Variants in AUTS2 observed in about 807,000 individuals in gnomAD.
The protein encoded by AUTS2 is autism susceptibility gene 2 protein.
In AUTS2, 17 loss-of-function variants were observed where a neutral mutation model predicts 112.4. The ratio of observed to expected loss-of-function variants is 0.15; its 90% CI spans 0.10 to 0.23. AUTS2 has a LOEUF of 0.23. Among genes scored for constraint, AUTS2 ranks in the 10% least tolerant of loss-of-function variants. The pLI, the probability that AUTS2 is intolerant of heterozygous loss-of-function variation, is 1.00. For synonymous variants in AUTS2, 751 were observed against 702.7 expected (o/e 1.07, Z -1.09); for missense variants, 1,510 against 1,701.6 (o/e 0.89, Z 1.98).
rs1187956968 is a variant in AUTS2, at chr7:69,978,894, ACACACACG to A, written c.522+79412_522+79419del. On this transcript the variant is annotated intron_variant, in intron 2 of 18. Transcript: ENST00000342771. ...CACACACACACACACACACACACAC[ACACACACG>A]CACACACGCACACACACACGCACAC... is the stretch of plus-strand genomic sequence containing the variant. Among the ~76,000 whole-genome samples, 818 of 137,118 alleles carry A rather than the reference ACACACACG, an allele frequency of 6.0e-3. 3 individuals are homozygous for A. Among genetic ancestry groups the A allele is most frequent in the Non-Finnish European group, 8.6e-3 (526 of 61,048 alleles). The allele number at this position is 137,118 out of a possible 152,430, so 90.0% of individuals were successfully genotyped here. A position where few individuals can be genotyped will look rare whatever the true frequency, so the allele number is the denominator to read the frequency against.
intron 2 of AUTS2, among the ~76,000 whole-genome samples, chr7:69,942,707 T>G (rs974450453): frequency 1.3e-5 from 2 of 152,226 alleles, no homozygotes; most frequent in African/African-American, 4.8e-5. Flanking sequence ...ATCTTGACAG[T>G]GGCAAGTATA....
intron 4 of AUTS2, among the ~76,000 whole-genome samples, chr7:70,331,978 G>T (rs902510057): frequency 2.0e-5 from 3 of 152,132 alleles, no homozygotes; most frequent in Admixed American, 6.5e-5. Context: ...TCAGGCAAGA[G>T]AAAGAAATAA....
chr7:70,473,924 T>C (rs2115976496), intron 5 of AUTS2, among the ~76,000 whole-genome samples: 1 of 152,220 alleles, frequency 6.6e-6, no homozygotes, highest in African/African-American at 2.4e-5. Flanking sequence ...GGAAATCTGC[T>C]AGCTCACCAG....
intron 1 of AUTS2, among the ~76,000 whole-genome samples, chr7:69,735,151 C>T (rs1413117009): frequency 6.6e-6 from 1 of 152,090 alleles, no homozygotes; most frequent in Non-Finnish European, 1.5e-5. Flanking sequence ...TTAAACAGAG[C>T]GTTTTTTCAT....
chr7:69,968,760 AT>A (rs1212695622), intron 2 of AUTS2, among the ~76,000 whole-genome samples: 5 of 152,124 alleles, frequency 3.3e-5, no homozygotes, highest in Admixed American at 1.3e-4. Context: ...ACTCCTTATG[AT>A]TATATGCATA....
chr7:70,463,645 T>C (rs1338559699), intron 5 of AUTS2, among the ~76,000 whole-genome samples: 1 of 152,238 alleles, frequency 6.6e-6, no homozygotes, highest in Non-Finnish European at 1.5e-5. Flanking sequence ...TCTCTTGTCT[T>C]TCTGCCCTTC....
chr7:70,659,094 A>C (rs1806928227), intron 5 of AUTS2, among the ~76,000 whole-genome samples: 1 of 152,088 alleles, frequency 6.6e-6, no homozygotes, highest in Non-Finnish European at 1.5e-5. Flanking sequence ...TGTTACACAT[A>C]CTTAGCTTTC....
intron 1 of AUTS2, among the ~76,000 whole-genome samples, chr7:69,774,799 A>G (rs751051945): frequency 2.8e-4 from 43 of 152,214 alleles, no homozygotes; most frequent in Non-Finnish European, 6.0e-4. Context: ...TTCATCCCTG[A>G]AGATTCTGGT....
At chr7:70,101,069 G>T (rs571387582) in intron 2 of AUTS2, among the ~76,000 whole-genome samples, 2 of 151,960 alleles carry the variant, frequency 1.3e-5, no homozygotes, top group African/African-American at 4.8e-5. Context: ...GTAGAGACGG[G>T]GTTTCACCAT....
At chr7:70,729,739 T>C (rs1022473724) in intron 6 of AUTS2, among the ~76,000 whole-genome samples, 3 of 152,208 alleles carry the variant, frequency 2.0e-5, no homozygotes, top group Non-Finnish European at 4.4e-5. Context: ...GCCCTCCTCT[T>C]TCAGATGTTA....
chr7:70,727,958 C>T lies in AUTS2; in HGVS notation c.742+29338C>T, dbSNP rs80026002. 6.0e-3 allele frequency among the ~76,000 whole-genome samples: 910 copies of T among 152,246 alleles called. 14 individuals are homozygous for T. The highest frequency in any genetic ancestry group is 0.021 in the African/African-American group (880 of 41,536). ...ATTGTTCAGATTCTTCTATGTTCCC[C>T]TCCTCTGGGAATAGGGAGGGCACCT... On this transcript the variant is annotated intron_variant, in intron 6 of 18. Transcript: ENST00000342771.
At chr7:70,515,421 C>T (rs1442526761) in intron 5 of AUTS2, among the ~76,000 whole-genome samples, 1 of 152,144 alleles carries the variant, frequency 6.6e-6, no homozygotes, top group Non-Finnish European at 1.5e-5. Context: ...ATGGGCAATG[C>T]TAGTGAGAAT....
At chr7:70,413,494 C>T (rs1794860559) in intron 4 of AUTS2, among the ~76,000 whole-genome samples, 1 of 152,130 alleles carries the variant, frequency 6.6e-6, no homozygotes, top group African/African-American at 2.4e-5. Flanking sequence ...GACAATGTTT[C>T]CTACTTTCCA....
intron 5 of AUTS2, among the ~76,000 whole-genome samples, chr7:70,665,982 G>C (rs186122733): frequency 6.6e-6 from 1 of 152,286 alleles, no homozygotes; most frequent in African/African-American, 2.4e-5. Flanking sequence ...ATCAAGAAGG[G>C]CTCCACTGGC....
At chr7:69,984,632 C>T (rs928973634) in intron 2 of AUTS2, among the ~76,000 whole-genome samples, 3 of 152,080 alleles carry the variant, frequency 2.0e-5, no homozygotes, top group Admixed American at 6.6e-5. Flanking sequence ...GACACTTTCC[C>T]CCACGCTGAG....
At chr7:70,786,102 C>A in intron 17 of AUTS2, 64 bp downstream of exon 17, 1 of 1,390,752 alleles carries the variant, frequency 7.2e-7, no homozygotes, top group Non-Finnish European at 1.0e-6. Context: ...CCGCATATGG[C>A]TCAAGACCTT....
intron 5 of AUTS2, among the ~76,000 whole-genome samples, chr7:70,582,390 A>G (rs1802494691): frequency 6.6e-6 from 1 of 152,124 alleles, no homozygotes; most frequent in African/African-American, 2.4e-5. Flanking sequence ...GTGGGTTCCC[A>G]CTGGACCCTC....
In AUTS2 at chr7:70,790,997, G is replaced by T. The variant is rs1278704807; in HGVS notation, c.*1G>T. The T allele has an allele frequency of 1.3e-6, 2 of 1,492,388 alleles. No individual in the cohort carries two copies. Among genetic ancestry groups the T allele is most frequent in the Non-Finnish European group, 1.8e-6 (2 of 1,122,154 alleles). 92.4% of individuals were successfully genotyped at this position (1,492,388 alleles called of 1,614,324 possible). On this transcript the variant is annotated 3_prime_UTR_variant, in exon 19 of 19. Coordinates refer to ENST00000342771, the MANE Select transcript of AUTS2 (RefSeq NM_015570.4). This position sits in a 1 kb window ranked among gnomAD's most constrained non-coding sequence, Gnocchi z 7.6. The stretch of plus-strand genomic sequence containing the variant: ...GCTGAAGGATATCGAGGCCCGATAA[G>T]CCGAGAACAGGAGCAAGAACGAGGA...
intron 6 of AUTS2, among the ~76,000 whole-genome samples, chr7:70,711,467 C>T (rs1213562236): frequency 6.6e-6 from 1 of 152,204 alleles, no homozygotes; most frequent in Non-Finnish European, 1.5e-5. Context: ...AAAATACCTC[C>T]ACAATACCTG....
Sources: allele counts gnomAD v4.1 joint callset (sites outside exome capture counted in the v4.1 genomes callset), GRCh38; gene constraint gnomAD v4.1.1; non-coding constraint Gnocchi (gnomAD v3.1); transcripts MANE v1.5; gene names NCBI Gene and HGNC (gene_info 2026-07-23, HGNC 2026-07-21).